WWOX: variants seen among roughly 807,000 people sequenced by gnomAD.
The protein encoded by WWOX is WW domain-containing oxidoreductase.
In WWOX, 69 loss-of-function variants were observed where a neutral mutation model predicts 46.2. That is an observed-to-expected ratio of 1.49 (90% CI 1.23 to 1.82). The LOEUF is 1.82. WWOX is among the 40% of genes most tolerant of loss of function. The pLI is 0.00. For synonymous variants in WWOX, 359 were observed against 202.6 expected (o/e 1.77, Z -6.56); for missense variants, 919 against 542.6 (o/e 1.69, Z -6.89).
chr16:78,841,556 T>C (rs982251583), intron 8 of WWOX, among the ~76,000 whole-genome samples: 1 of 152,240 alleles, frequency 6.6e-6, no homozygotes, highest in Non-Finnish European at 1.5e-5. Flanking sequence ...TTTACCAATA[T>C]GATGTCTGTA....
At chr16:78,324,799 G>C (rs539723199) in intron 5 of WWOX, among the ~76,000 whole-genome samples, 1 of 102,526 alleles carries the variant, frequency 9.8e-6, no homozygotes, top group Non-Finnish European at 2.0e-5. Flanking sequence ...GGGTGGGCGG[G>C]ATAGGAGGGG....
intron 8 of WWOX, among the ~76,000 whole-genome samples, chr16:78,974,668 G>A (rs75095764): frequency 6.6e-6 from 1 of 152,282 alleles, no homozygotes; most frequent in East Asian, 1.9e-4. Flanking sequence ...CTGAAGAGGA[G>A]GACAGATTAT....
At chr16:78,856,150 G>C (rs954533895) in intron 8 of WWOX, among the ~76,000 whole-genome samples, 2 of 152,184 alleles carry the variant, frequency 1.3e-5, no homozygotes, top group Non-Finnish European at 2.9e-5. Context: ...AAAAGAGTCA[G>C]TCTGGTCCCT....
At chr16:78,423,120 C>T (rs536678996) in intron 6 of WWOX, among the ~76,000 whole-genome samples, 204 of 151,500 alleles carry the variant, frequency 1.3e-3, no homozygotes, top group African/African-American at 4.8e-3. Context: ...CTTCTGACCT[C>T]GTGATTTGCC....
chr16:78,400,528 C>G (rs1483839778), intron 6 of WWOX, among the ~76,000 whole-genome samples: 1 of 152,062 alleles, frequency 6.6e-6, no homozygotes, highest in East Asian at 1.9e-4. Context: ...AGAAGGAAGA[C>G]TTGGAAAAAA....
intron 8 of WWOX, among the ~76,000 whole-genome samples, chr16:79,125,780 C>A (rs1409499509): frequency 6.6e-6 from 1 of 152,196 alleles, no homozygotes; most frequent in African/African-American, 2.4e-5. Context: ...GACTTCAGAG[C>A]CCCTTGTGCT....
intron 8 of WWOX, among the ~76,000 whole-genome samples, chr16:78,742,225 A>T (rs1391279987): frequency 6.6e-6 from 1 of 152,180 alleles, no homozygotes; most frequent in Admixed American, 6.5e-5. Flanking sequence ...AGTGTGCTCA[A>T]AACTTATTTT....
intron 8 of WWOX, among the ~76,000 whole-genome samples, chr16:78,463,307 C>T (rs1286430954): frequency 6.6e-6 from 1 of 152,158 alleles, no homozygotes; most frequent in Non-Finnish European, 1.5e-5. Context: ...TGGTAAAAAG[C>T]AATAGAAGAA....
At chr16:79,183,538 C>T (rs148102192) in intron 8 of WWOX, among the ~76,000 whole-genome samples, 1 of 152,302 alleles carries the variant, frequency 6.6e-6, no homozygotes, top group African/African-American at 2.4e-5. Flanking sequence ...CAACCATAAT[C>T]ATTGTGCTAA....
chr16:79,193,670 G>A (rs2051181811), intron 8 of WWOX, among the ~76,000 whole-genome samples: 1 of 152,172 alleles, frequency 6.6e-6, no homozygotes, highest in Non-Finnish European at 1.5e-5. Flanking sequence ...CGGTCACCTA[G>A]CCAGCAAAGA....
intron 5 of WWOX, among the ~76,000 whole-genome samples, chr16:78,236,463 T>C (rs1439213728): frequency 6.6e-6 from 1 of 152,194 alleles, no homozygotes; most frequent in East Asian, 1.9e-4. Flanking sequence ...CATTTCATGG[T>C]TTGTCCTTTC....
chr16:78,217,974 C>T (rs2036776541), intron 5 of WWOX, among the ~76,000 whole-genome samples: 1 of 152,084 alleles, frequency 6.6e-6, no homozygotes, highest in African/African-American at 2.4e-5. Context: ...CCTCCTTTTC[C>T]ACAAAAAGCA....
At chr16:78,370,361 G>C (rs891421939) in intron 5 of WWOX, among the ~76,000 whole-genome samples, 1 of 152,108 alleles carries the variant, frequency 6.6e-6, no homozygotes, top group African/African-American at 2.4e-5. Flanking sequence ...TCAGTACATA[G>C]TAAGTACTGT....
At chr16:78,981,489 A>C (rs2046681607) in intron 8 of WWOX, among the ~76,000 whole-genome samples, 1 of 150,478 alleles carries the variant, frequency 6.6e-6, no homozygotes, top group Non-Finnish European at 1.5e-5. Flanking sequence ...CCAGGCTGGC[A>C]TGCAGTGGCA....
At chr16:79,138,496 C>T (rs1391307600) in intron 8 of WWOX, among the ~76,000 whole-genome samples, 2 of 152,216 alleles carry the variant, frequency 1.3e-5, no homozygotes, top group African/African-American at 4.8e-5. Context: ...TGCCTCACTC[C>T]TGTGGCCCCA....
intron 8 of WWOX, chr16:78,897,819 C>T (rs892829794): frequency 7.2e-5 from 11 of 152,260 alleles, no homozygotes; most frequent in African/African-American, 2.2e-4. Flanking sequence ...TGCTTCACAT[C>T]CTCATCAGCA....
At chr16:78,112,643 C>T (rs73562791) in intron 3 of WWOX, among the ~76,000 whole-genome samples, 3,280 of 149,736 alleles carry the variant, frequency 0.022, 129 homozygotes, top group African/African-American at 0.076. Flanking sequence ...AGGGTATCAA[C>T]GCATTGGTTG....
At chr16:78,219,953 C>G (rs1393905426) in intron 5 of WWOX, among the ~76,000 whole-genome samples, 2 of 152,164 alleles carry the variant, frequency 1.3e-5, no homozygotes, top group Non-Finnish European at 2.9e-5. Flanking sequence ...CTATATATAT[C>G]ACAATAAAGC....
At chr16:78,896,841 A>C (rs926050401) in intron 8 of WWOX, 7 of 152,172 alleles carry the variant, frequency 4.6e-5, no homozygotes, top group African/African-American at 1.4e-4. Context: ...TTTATGTTCT[A>C]TAAAATTAGC....
Sources: allele counts gnomAD v4.1 joint callset (sites outside exome capture counted in the v4.1 genomes callset), GRCh38; gene constraint gnomAD v4.1.1; transcripts MANE v1.5; gene names NCBI Gene and HGNC (gene_info 2026-07-23, HGNC 2026-07-21).